XRCC6: variants seen among roughly 807,000 people sequenced by gnomAD.
XRCC6 encodes DNA repair protein Ku70.
A neutral mutation model predicts 65.7 loss-of-function variants in XRCC6; 5 were observed. That is an observed-to-expected ratio of 0.08 (90% CI 0.04 to 0.16). The LOEUF (loss-of-function observed/expected upper bound fraction) is 0.16, where lower values mean the gene tolerates loss of function less well. Ranked by LOEUF, XRCC6 falls within the 10% of genes least tolerant of loss-of-function variation. The pLI is 1.00. For missense variants in XRCC6, 447 were observed against 738.1 expected (o/e 0.61, Z 4.57); for synonymous variants, 270 against 270.6 (o/e 1.00, Z 0.02).
intron 1 of XRCC6, 178 bp from the exon 2 acceptor site, chr22:41,621,812 G>A (rs1474307114): frequency 8.4e-6 from 5 of 593,376 alleles, no homozygotes; most frequent in Non-Finnish European, 1.2e-5. Flanking sequence ...CAGCTACTGG[G>A]ATGGCCCCCA....
At chr22:41,627,830 C>T (rs1001970472) in intron 2 of XRCC6, among the ~76,000 whole-genome samples, 3 of 151,938 alleles carry the variant, frequency 2.0e-5, no homozygotes, top group Non-Finnish European at 2.9e-5. Flanking sequence ...GCTATCATCG[C>T]GTCACTGCAC....
chr22:41,643,505 C>T (rs112898596), intron 6 of XRCC6, among the ~76,000 whole-genome samples: 4,668 of 151,976 alleles, frequency 0.031, 96 homozygotes, highest in Middle Eastern at 0.071. Context: ...TGTGTTTTTA[C>T]TTTCATGCAG....
intron 2 of XRCC6, among the ~76,000 whole-genome samples, chr22:41,623,246 T>G (rs1201677470): frequency 6.6e-6 from 1 of 151,918 alleles, no homozygotes; most frequent in Non-Finnish European, 1.5e-5. Context: ...CCCAATAATT[T>G]CTTAATTTTT....
chr22:41,654,668 T>C (rs2068028998), intron 9 of XRCC6, among the ~76,000 whole-genome samples: 1 of 152,206 alleles, frequency 6.6e-6, no homozygotes, highest in East Asian at 1.9e-4. Context: ...TGTTTCCTTT[T>C]ATTTATCACG....
In XRCC6 at chr22:41,646,893, C is replaced by T; in HGVS notation, c.774-3C>T. ...CATGCTCTTTCATTTTTTACTCCCTCAGGTTAAAGCTGAAGCTCAACAAAG... is the reference window on the plus strand; with the variant it reads ...CATGCTCTTTCATTTTTTACTCCCTTAGGTTAAAGCTGAAGCTCAACAAAG... On this transcript the variant is annotated splice_region_variant and splice_polypyrimidine_tract_variant and intron_variant, in intron 6 of 12. Coordinates refer to ENST00000360079, the MANE Select transcript of XRCC6 (RefSeq NM_001469.5). 1 of 1,586,920 alleles carries T rather than the reference C, an allele frequency of 6.3e-7. No homozygotes were observed. Among genetic ancestry groups the T allele is most frequent in the Non-Finnish European group, 8.6e-7 (1 of 1,166,110 alleles).
At chr22:41,642,355 A>C (rs533697547) in intron 6 of XRCC6, among the ~76,000 whole-genome samples, 3 of 152,292 alleles carry the variant, frequency 2.0e-5, no homozygotes, top group African/African-American at 7.2e-5. Flanking sequence ...GGTTCCTTAT[A>C]TATTCTGGTT....
chr22:41,661,321 G>A lies in XRCC6; in HGVS notation c.1523-10G>A. 6.2e-7 allele frequency: 1 copy of A among 1,610,738 alleles called. No homozygotes were observed. Among genetic ancestry groups the A allele is most frequent in the Non-Finnish European group, 8.5e-7 (1 of 1,179,016 alleles). ...TCACCAGGCCACTCTTCTGTGTTTT[G>A]ATTTTCTAGTGCCCAAGGTTGAAGC... On this transcript the variant is annotated splice_polypyrimidine_tract_variant and intron_variant, in intron 11 of 12. Coordinates refer to ENST00000360079, the MANE Select transcript of XRCC6 (RefSeq NM_001469.5).
chr22:41,641,098 CTG>C (rs2067870637), intron 6 of XRCC6, among the ~76,000 whole-genome samples: 1 of 152,106 alleles, frequency 6.6e-6, no homozygotes, highest in African/African-American at 2.4e-5. Flanking sequence ...AATTAAAAAA[CTG>C]TACTTTCACA....
chr22:41,654,652 C>G (rs2068028816), intron 9 of XRCC6, among the ~76,000 whole-genome samples: 1 of 152,170 alleles, frequency 6.6e-6, no homozygotes, highest in Non-Finnish European at 1.5e-5. Flanking sequence ...CCTGATAACT[C>G]TTACCTGTTT....
chr22:41,642,253 C>A (rs7291732), intron 6 of XRCC6, among the ~76,000 whole-genome samples: 10,501 of 152,046 alleles, frequency 0.069, 867 homozygotes, highest in African/African-American at 0.19. Flanking sequence ...CAGTAGTTTT[C>A]TTTTTAGTAT....
At chr22:41,647,580 T>G (rs556795398) in intron 7 of XRCC6, among the ~76,000 whole-genome samples, 1 of 44,064 alleles carries the variant, frequency 2.3e-5, no homozygotes, top group Non-Finnish European at 5.6e-5. Context: ...TAACTCCGTC[T>G]CAAAAAAAAA....
intron 7 of XRCC6, chr22:41,648,283 GT>G (rs2067956738): frequency 1.3e-5 from 2 of 151,942 alleles, no homozygotes; most frequent in Admixed American, 1.3e-4. Context: ...TAGCTAGAAA[GT>G]TAAACTGGGC....
At chr22:41,632,669 A>G (rs1044581918) in intron 3 of XRCC6, among the ~76,000 whole-genome samples, 3 of 151,862 alleles carry the variant, frequency 2.0e-5, no homozygotes, top group Admixed American at 2.0e-4. Context: ...ACCAAAAAAA[A>G]AGAATAAGCT....
chr22:41,634,187 T>A, intron 3 of XRCC6, among the ~76,000 whole-genome samples: 1 of 135,896 alleles, frequency 7.4e-6, no homozygotes, highest in Admixed American at 7.3e-5. Flanking sequence ...CAAAACTTAA[T>A]TTTTTTTTTT....
intron 8 of XRCC6, among the ~76,000 whole-genome samples, chr22:41,652,063 C>A (rs937611141): frequency 6.6e-6 from 1 of 152,166 alleles, no homozygotes; most frequent in Non-Finnish European, 1.5e-5. Flanking sequence ...AGATTACAGG[C>A]GTGAGCCACC....
Position 41,656,978 on chromosome 22 carries a change from C to T in XRCC6, c.1367C>T (p.Pro456Leu). The T allele has an allele frequency of 6.2e-7, 1 of 1,609,866 alleles. No homozygotes were observed. Among genetic ancestry groups the T allele is most frequent in the Non-Finnish European group, 8.5e-7 (1 of 1,178,894 alleles). Residue 456 changes from proline to leucine, a missense_variant, in exon 10 of 13, where the codon CCA becomes CTA. Physicochemically the swap from Pro to Leu is moderately conservative, Grantham distance 98. This residue lies in a region of XRCC6 where 201 missense variants were observed against 374.1 expected (regional missense o/e 0.54). Coordinates refer to ENST00000360079, the MANE Select transcript of XRCC6 (RefSeq NM_001469.5). ...TTTACTGAAAAAATCATGGCAACTC[C>T]AGAGCAGGTGGGCAAGATGAAGGCT... ...MPFTEKIMATPEQVGKMKAIV... is the reference protein window; with the variant it reads ...MPFTEKIMATLEQVGKMKAIV...
chr22:41,662,142 G>C (rs1039463020), intron 12 of XRCC6, among the ~76,000 whole-genome samples: 4 of 152,036 alleles, frequency 2.6e-5, no homozygotes, highest in African/African-American at 7.2e-5. Context: ...GAATGATTAA[G>C]ATCTATTCGA....
At chr22:41,632,054 T>C (rs1470862179) in intron 3 of XRCC6, among the ~76,000 whole-genome samples, 8 of 150,558 alleles carry the variant, frequency 5.3e-5, no homozygotes, top group African/African-American at 9.8e-5. Context: ...GGCAGGGAGG[T>C]TGCAGTGAGC....
chr22:41,622,002 A>G lies in XRCC6; in HGVS notation c.-3A>G, dbSNP rs750105679. The G allele has an allele frequency of 5.0e-6, 8 of 1,614,154 alleles. No individual in the cohort carries two copies. In the Admixed American group the frequency reaches 1.3e-4, roughly 27 times the overall value. The stretch of plus-strand genomic sequence containing the variant: ...GTCTTTCGCCTAGTGAGCAGTAGCC[A>G]ACATGTCAGGGTGGGAGTCATATTA... On this transcript the variant is annotated 5_prime_UTR_variant, in exon 2 of 13. Transcript: ENST00000360079.
Sources: allele counts gnomAD v4.1 joint callset (sites outside exome capture counted in the v4.1 genomes callset), GRCh38; gene constraint gnomAD v4.1.1; regional missense constraint gnomAD v4.1.1; transcripts MANE v1.5; gene names NCBI Gene and HGNC (gene_info 2026-07-23, HGNC 2026-07-21).